RANBP17: variants seen among roughly 807,000 people sequenced by gnomAD.
RANBP17 encodes ran-binding protein 17.
RANBP17 carries 158 observed loss-of-function variants against 141.2 expected under a neutral mutation model. The observed-to-expected ratio is 1.12, with a 90% CI of 0.98 to 1.28. The LOEUF (loss-of-function observed/expected upper bound fraction) is 1.28. Among genes scored for constraint, RANBP17 ranks in the 50% most tolerant of loss-of-function variants. The pLI is 0.00. For synonymous variants in RANBP17, 430 were observed against 450.0 expected, an observed-to-expected ratio of 0.96 and a Z score of 0.56; for missense variants, 1,438 against 1,290.7, an observed-to-expected ratio of 1.11 and a Z score of -1.75.
At chr5:171,230,081 A>C (rs1764118728) in intron 22 of RANBP17, among the ~76,000 whole-genome samples, 1 of 152,128 alleles carries the variant, frequency 6.6e-6, no homozygotes, top group South Asian at 2.1e-4. Flanking sequence ...AAAGAAAAAA[A>C]AGAATCTTAT....
intron 14 of RANBP17, among the ~76,000 whole-genome samples, chr5:171,105,695 G>A (rs1363524965): frequency 6.7e-6 from 1 of 150,304 alleles, no homozygotes; most frequent in African/African-American, 2.4e-5. Context: ...TCCAGCCTGG[G>A]TGACAGAGTG....
chr5:171,026,124 T>C (rs1214190973), intron 14 of RANBP17, among the ~76,000 whole-genome samples: 1 of 152,254 alleles, frequency 6.6e-6, no homozygotes, highest in Non-Finnish European at 1.5e-5. Flanking sequence ...TAATTTATTA[T>C]TTCTCTTTGG....
chr5:170,919,791 ATAGT>A (rs1261015082), intron 11 of RANBP17, among the ~76,000 whole-genome samples, 178 bp downstream of exon 11: 1 of 152,014 alleles, frequency 6.6e-6, no homozygotes, highest in Non-Finnish European at 1.5e-5. Context: ...ATCAATCCAG[ATAGT>A]TCTTTTGGCT....
intron 14 of RANBP17, among the ~76,000 whole-genome samples, chr5:171,164,690 A>G (rs532323338): frequency 6.6e-6 from 1 of 152,228 alleles, no homozygotes; most frequent in South Asian, 2.1e-4. Flanking sequence ...AATTCCTTAC[A>G]TTTCTAATCA....
At chr5:171,047,631 G>T (rs1356700170) in intron 14 of RANBP17, among the ~76,000 whole-genome samples, 1 of 151,586 alleles carries the variant, frequency 6.6e-6, no homozygotes, top group Non-Finnish European at 1.5e-5. Context: ...GTAGAGACAG[G>T]GTTTCACCAT....
intron 14 of RANBP17, among the ~76,000 whole-genome samples, chr5:171,064,708 A>T (rs535611965): frequency 6.6e-6 from 1 of 151,844 alleles, no homozygotes; most frequent in Non-Finnish European, 1.5e-5. Context: ...TTTCATAGAC[A>T]TGGGGTTTCT....
intron 1 of RANBP17, among the ~76,000 whole-genome samples, chr5:170,876,546 G>A (rs1768195597): frequency 6.6e-6 from 1 of 152,006 alleles, no homozygotes; most frequent in Non-Finnish European, 1.5e-5. Context: ...GTTCATTTGA[G>A]GTTCTTTATC....
intron 24 of RANBP17, among the ~76,000 whole-genome samples, chr5:171,246,785 C>T (rs1171326126): frequency 6.6e-6 from 1 of 152,232 alleles, no homozygotes; most frequent in African/African-American, 2.4e-5. Flanking sequence ...AGTCCCAGCA[C>T]TACCACTTAC....
At chr5:170,905,998 G>T (rs925803373) in intron 5 of RANBP17, among the ~76,000 whole-genome samples, 1 of 152,062 alleles carries the variant, frequency 6.6e-6, no homozygotes. Context: ...CAGAAAAGTT[G>T]TAAGTACAGT....
At chr5:170,886,850 A>G (rs1490420813) in intron 3 of RANBP17, among the ~76,000 whole-genome samples, 1 of 151,498 alleles carries the variant, frequency 6.6e-6, no homozygotes, top group Non-Finnish European at 1.5e-5. Context: ...TTTTCTAGAG[A>G]TGGGGTTTCA....
intron 25 of RANBP17, among the ~76,000 whole-genome samples, chr5:171,275,268 T>C (rs1767414796): frequency 6.6e-6 from 1 of 152,236 alleles, no homozygotes; most frequent in Admixed American, 6.5e-5. Context: ...AGGAAAACCA[T>C]TTAAATATGT....
intron 14 of RANBP17, among the ~76,000 whole-genome samples, chr5:171,095,034 A>G (rs1786578876): frequency 6.6e-6 from 1 of 152,198 alleles, no homozygotes; most frequent in African/African-American, 2.4e-5. Flanking sequence ...ATGTTATAAC[A>G]TAGCACAGAG....
At chr5:171,069,051 G>A (rs987565582) in intron 14 of RANBP17, among the ~76,000 whole-genome samples, 1 of 152,150 alleles carries the variant, frequency 6.6e-6, no homozygotes, top group African/African-American at 2.4e-5. Context: ...CAGCCAGCTG[G>A]TGACCTGACA....
At chr5:171,130,868 G>T (rs1756869078) in intron 14 of RANBP17, among the ~76,000 whole-genome samples, 1 of 151,996 alleles carries the variant, frequency 6.6e-6, no homozygotes, top group African/African-American at 2.4e-5. Flanking sequence ...TTCCCTTCTA[G>T]CTACTTTTGG....
chr5:170,927,558 T>A lies in RANBP17; in HGVS notation c.1468+3008T>A, dbSNP rs142481653. On this transcript the variant is annotated intron_variant, in intron 12 of 27. Transcript: ENST00000523189. Reference sequence around the variant, plus strand: ...ATTCATTTCCTTTGCCATTTTTCTATTGGGTTGTTGGTCCTTTTTTTCTCC... The same window carrying A: ...ATTCATTTCCTTTGCCATTTTTCTAATGGGTTGTTGGTCCTTTTTTTCTCC... 4.6e-5 allele frequency among the ~76,000 whole-genome samples: 7 copies of A among 152,266 alleles called. No homozygotes were observed. In the East Asian group the frequency reaches 1.3e-3, roughly 29 times the overall value.
intron 16 of RANBP17, among the ~76,000 whole-genome samples, chr5:171,181,526 G>T (rs1042159712): frequency 3.9e-5 from 6 of 151,948 alleles, no homozygotes; most frequent in Admixed American, 3.9e-4. Context: ...ATCCATGGAT[G>T]TAGTCCCTGC....
chr5:171,182,824 T>C (rs1760949497), intron 16 of RANBP17, among the ~76,000 whole-genome samples: 1 of 152,118 alleles, frequency 6.6e-6, no homozygotes, highest in Non-Finnish European at 1.5e-5. Flanking sequence ...TGAAATAACA[T>C]TAAGTAAGTA....
intron 14 of RANBP17, among the ~76,000 whole-genome samples, chr5:171,074,758 T>TA (rs1363218710): frequency 6.6e-6 from 1 of 152,224 alleles, no homozygotes; most frequent in African/African-American, 2.4e-5. Flanking sequence ...AGTGCACTAT[T>TA]ACATGTTATT....
intron 22 of RANBP17, among the ~76,000 whole-genome samples, chr5:171,237,737 TCTC>T (rs1264835231): frequency 6.6e-6 from 1 of 152,180 alleles, no homozygotes; most frequent in Non-Finnish European, 1.5e-5. Flanking sequence ...AATGCCATCA[TCTC>T]CTAGCTGTCC....
Sources: allele counts gnomAD v4.1 joint callset (sites outside exome capture counted in the v4.1 genomes callset), GRCh38; gene constraint gnomAD v4.1.1; transcripts MANE v1.5; gene names NCBI Gene and HGNC (gene_info 2026-07-23, HGNC 2026-07-21).